The following NECAB3 variants were observed in gnomAD, a reference collection of about 807,000 sequenced individuals.
NECAB3 encodes N-terminal EF-hand calcium-binding protein 3.
NECAB3 carries 38 observed loss-of-function variants against 57.2 expected under a neutral mutation model. The ratio of observed to expected loss-of-function variants is 0.66; its 90% CI spans 0.51 to 0.87. The LOEUF (loss-of-function observed/expected upper bound fraction) is 0.87. Among genes scored for constraint, NECAB3 ranks in the 40% least tolerant of loss-of-function variants. The pLI is 0.00. For missense variants in NECAB3, 474 were observed against 527.5 expected (o/e 0.90, Z 0.99); for synonymous variants, 223 against 222.6 (o/e 1.00, Z -0.02).
At position 33,659,779 on chromosome 20, in the gene NECAB3, C is replaced by T. The variant is rs968891693; in HGVS notation, c.644-47G>A. The T allele has an allele frequency of 6.5e-6, 10 of 1,537,736 alleles. No individual in the cohort carries two copies. In the African/African-American group the frequency reaches 1.1e-4, roughly 17 times the overall value. ...GGTCAGGCAGGGGCCTCTCAGGTCC[C>T]GCAGGTGCTCAGAATGAAGTGAGGG... On this transcript the variant is annotated intron_variant, in intron 7 of 11. Coordinates refer to ENST00000246190, the MANE Select transcript of NECAB3 (RefSeq NM_031232.4).
In NECAB3 at chr20:33,670,776, T is replaced by A. The variant is rs1396889436; in HGVS notation, c.171A>T (p.Ser57=). 1 of 1,613,708 alleles carries A rather than the reference T, an allele frequency of 6.2e-7. No individual in the cohort carries two copies. The highest frequency in any genetic ancestry group is 1.3e-5 in the African/African-American group (1 of 74,894). ...CAAAGTAATTCTGGAATTCCTCAAA[T>A]GAGAGCTTCCCATCATCTGGGGTGG... ...RADKNDDGKL[S]FEEFQNYFAD... Residue 57 remains serine (S), a synonymous_variant, in exon 3 of 12, where the codon TCA becomes TCT. Transcript: ENST00000246190.
chr20:33,663,635 C>T, intron 5 of NECAB3: 2 of 1,607,594 alleles, frequency 1.2e-6, no homozygotes, highest in Non-Finnish European at 8.5e-7. Context: ...TCCCCGGCGG[C>T]ACCCAGATTG....
At position 33,657,502 on chromosome 20, in the gene NECAB3, T is replaced by C. The variant is rs57025640; in HGVS notation, c.*327A>G. ...ACCCTCGCTAGGCGGCCAGATGGCC[T>C]GAGGCCCACCCAGACAGGGACGGGA... On this transcript the variant is annotated 3_prime_UTR_variant, in exon 12 of 12. Transcript: ENST00000246190. 3.4e-3 allele frequency: 1,211 copies of C among 356,340 alleles called. 14 individuals are homozygous for C. Among genetic ancestry groups the C allele is most frequent in the African/African-American group, 0.023 (1,079 of 46,982 alleles). 22.1% of individuals were successfully genotyped at this position (356,340 alleles called of 1,614,324 possible).
chr20:33,663,781 CG>C (rs2017568767), intron 5 of NECAB3: 1 of 1,432,222 alleles, frequency 7.0e-7, no homozygotes, highest in East Asian at 2.9e-5. Flanking sequence ...CTCGCGCTTC[CG>C]GTCCCCGGGG....
chr20:33,660,849 A>G lies in NECAB3; in HGVS notation c.388-454T>C, dbSNP rs182127585. ...TTCACTCATTCATTCATTCACTCAT[A>G]CACACAACACTGGGTGCTTTTTACT... is the stretch of plus-strand genomic sequence containing the variant. On this transcript the variant is annotated intron_variant, in intron 5 of 11. Coordinates refer to ENST00000246190, the MANE Select transcript of NECAB3 (RefSeq NM_031232.4). This position sits in a 1 kb window ranked among gnomAD's most constrained non-coding sequence, Gnocchi z 4.1. Among the ~76,000 whole-genome samples the G allele has an allele frequency of 3.3e-5, 5 of 152,318 alleles. No homozygotes were observed. Among genetic ancestry groups the G allele is most frequent in the Non-Finnish European group, 5.9e-5 (4 of 68,026 alleles).
chr20:33,670,011 C>T (rs1449807301), intron 3 of NECAB3, among the ~76,000 whole-genome samples: 2 of 152,170 alleles, frequency 1.3e-5, no homozygotes, highest in Admixed American at 6.5e-5. Context: ...GTCAGAGCTG[C>T]GAAGGGGAAG....
chr20:33,660,470 C>T lies in NECAB3; in HGVS notation c.388-75G>A. ...TCTTGAGTGGGTCCCCTGCCTCTTG[C>T]CCATCAGAGCAGCGGTGGCAGTGCC... On this transcript the variant is annotated intron_variant, in intron 5 of 11. Coordinates refer to ENST00000246190, the MANE Select transcript of NECAB3 (RefSeq NM_031232.4). This position sits in a 1 kb window ranked among gnomAD's most constrained non-coding sequence, Gnocchi z 4.1. 1.9e-6 allele frequency: 3 copies of T among 1,569,802 alleles called. No individual in the cohort carries two copies. Among genetic ancestry groups the T allele is most frequent in the Admixed American group, 1.7e-5 (1 of 58,028 alleles).
At chr20:33,673,067 G>A (rs1293423297) in intron 1 of NECAB3, among the ~76,000 whole-genome samples, 3 of 152,178 alleles carry the variant, frequency 2.0e-5, no homozygotes, top group East Asian at 1.9e-4. Context: ...ACACGTCCAA[G>A]GGGGAGTGGG....
intron 5 of NECAB3, chr20:33,662,574 C>A: frequency 1.5e-6 from 2 of 1,322,168 alleles, no homozygotes; most frequent in Non-Finnish European, 2.1e-6. Context: ...GCCTTGTATG[C>A]AGAAGTCCTA....
intron 10 of NECAB3, 99 bp downstream of exon 10, chr20:33,658,378 G>T: frequency 7.9e-7 from 1 of 1,269,864 alleles, no homozygotes; most frequent in Non-Finnish European, 1.1e-6. Context: ...CTCATCTGAG[G>T]TCACAGAGCC....
At chr20:33,673,437 G>A (rs2017873415) in intron 1 of NECAB3, among the ~76,000 whole-genome samples, 1 of 152,210 alleles carries the variant, frequency 6.6e-6, no homozygotes, top group Non-Finnish European at 1.5e-5. Context: ...GGTAGATGGA[G>A]ATCTTGGGAG....
chr20:33,669,767 A>G, intron 3 of NECAB3, 55 bp from the exon 4 acceptor site: 1 of 1,523,266 alleles, frequency 6.6e-7, no homozygotes, highest in Non-Finnish European at 8.8e-7. Context: ...ACTGGGACTA[A>G]TGGGGCCAAT....
At position 33,657,439 on chromosome 20, in the gene NECAB3, G is replaced by A. The variant is rs919239708; in HGVS notation, c.*390C>T. The A allele has an allele frequency of 1.7e-5, 4 of 229,054 alleles. No individual in the cohort carries two copies. Among genetic ancestry groups the A allele is most frequent in the Non-Finnish European group, 3.4e-5 (4 of 117,778 alleles). 14.2% of individuals were successfully genotyped at this position (229,054 alleles called of 1,614,324 possible). On this transcript the variant is annotated 3_prime_UTR_variant, in exon 12 of 12. Coordinates refer to ENST00000246190, the MANE Select transcript of NECAB3 (RefSeq NM_031232.4). ...TGCTTCTGCCGCTGGCTGAGGAGGAGCAGAAGCCTGGTCCCAAGACAGCAG... is the reference window on the plus strand; with the variant it reads ...TGCTTCTGCCGCTGGCTGAGGAGGAACAGAAGCCTGGTCCCAAGACAGCAG...
chr20:33,658,123 C>T (rs970031796), intron 10 of NECAB3, 90 bp from the exon 11 acceptor site: 2 of 1,152,798 alleles, frequency 1.7e-6, no homozygotes, highest in African/African-American at 1.5e-5. Context: ...CTCACACTGC[C>T]TCTGGAGCCT....
intron 5 of NECAB3, chr20:33,667,135 C>A: frequency 4.9e-6 from 1 of 202,634 alleles, no homozygotes; most frequent in Non-Finnish European, 9.9e-6. Flanking sequence ...CTCCCTGGGC[C>A]GCATCGCGGT....
intron 5 of NECAB3, chr20:33,668,022 C>G: frequency 6.5e-7 from 1 of 1,542,788 alleles, no homozygotes; most frequent in Non-Finnish European, 8.8e-7. Flanking sequence ...TTCCTGGCTT[C>G]GCCGAGCGCC....
chr20:33,669,476 C>A lies in NECAB3; in HGVS notation c.290-4G>T. The A allele has an allele frequency of 6.2e-7, 1 of 1,613,612 alleles. No individual in the cohort carries two copies. Among genetic ancestry groups the A allele is most frequent in the Admixed American group, 1.7e-5 (1 of 60,024 alleles). On this transcript the variant is annotated splice_region_variant and splice_polypyrimidine_tract_variant and intron_variant, in intron 4 of 11. Coordinates refer to ENST00000246190, the MANE Select transcript of NECAB3 (RefSeq NM_031232.4). Reference sequence around the variant, plus strand: ...CCCAGGTGCTCTGAGAAGTAGTCTGCAGGCAGAAGAGGTGCTCAAGGGTTC... The same window carrying A: ...CCCAGGTGCTCTGAGAAGTAGTCTGAAGGCAGAAGAGGTGCTCAAGGGTTC...
In NECAB3 at chr20:33,674,306, G is replaced by T. The variant is rs898610382; in HGVS notation, c.47C>A (p.Ala16Glu). 9 of 1,221,448 alleles carry T rather than the reference G, an allele frequency of 7.4e-6. No homozygotes were observed. The African/African-American group carries it at 1.4e-4, about 19-fold the overall frequency. 75.7% of individuals were successfully genotyped at this position (1,221,448 alleles called of 1,614,324 possible). A position where few individuals can be genotyped will look rare whatever the true frequency, so the allele number is the denominator to read the frequency against. Residue 16 changes from alanine (A) to glutamate (E), a missense_variant, in exon 1 of 12, where the codon GCG becomes GAG. Transcript: ENST00000246190. ...CGGGGTCTGGGGCTGGGGCTGGGGC[G>T]CGGGCGGCCGGAGCAGGCACACGGT... is the stretch of plus-strand genomic sequence containing the variant. ...LLTVCLLRPP[A>E]PQPQPQTPRH...
chr20:33,667,842 C>A, intron 5 of NECAB3: 1 of 1,610,198 alleles, frequency 6.2e-7, no homozygotes, highest in Non-Finnish European at 8.5e-7. Flanking sequence ...GCTGCGTCTG[C>A]CTCAGCAGTG....
Sources: gnomAD v4.1 joint callset for allele counts (sites outside exome capture counted in the v4.1 genomes callset) on GRCh38, gnomAD v4.1.1 for gene constraint, Gnocchi (gnomAD v3.1) non-coding constraint, MANE v1.5 for transcripts, NCBI Gene and HGNC (gene_info 2026-07-23, HGNC 2026-07-21) for gene names.